The following CCDC43 variants were observed in gnomAD, a reference collection of about 807,000 sequenced individuals.
CCDC43 encodes the protein coiled-coil domain-containing protein 43.
Under a neutral mutation model 33.3 loss-of-function variants are expected in CCDC43, and 20 were observed. That is an observed-to-expected ratio of 0.60 (90% CI 0.42 to 0.87). The LOEUF is 0.87. Among genes scored for constraint, CCDC43 ranks in the 40% least tolerant of loss-of-function variants. The pLI is 0.00. For missense variants in CCDC43, 248 were observed against 269.9 expected (o/e 0.92, Z 0.57); for synonymous variants, 104 against 106.5 (o/e 0.98, Z 0.14).
intron 3 of CCDC43, 120 bp downstream of exon 3, chr17:44,681,883 T>C (rs936609537): frequency 4.0e-6 from 5 of 1,240,120 alleles, no homozygotes; most frequent in Non-Finnish European, 5.7e-6. Flanking sequence ...ATTACTGCCA[T>C]TTTAGAGGGG....
At position 44,682,391 on chromosome 17, in the gene CCDC43, T is replaced by A. The variant is rs1196864229; in HGVS notation, c.293-253A>T. Among the ~76,000 whole-genome samples, 19 of 100,984 alleles carry A rather than the reference T, an allele frequency of 1.9e-4. No individual in the cohort carries two copies. The highest frequency in any genetic ancestry group is 5.6e-4 in the Admixed American group (5 of 8,940). 66.2% of individuals were successfully genotyped at this position (100,984 alleles called of 152,430 possible). ...TTTATATACTGAAGTTCTGCTGCCT[T>A]AAAAAAAAAAAAAAAAAAAAAAGGT... On this transcript the variant is annotated intron_variant, in intron 2 of 4. Transcript: ENST00000315286.
Position 44,689,745 on chromosome 17 carries a change from C to T in CCDC43, c.9G>A (p.Ala3=), listed in dbSNP as rs766825168. 1.2e-5 allele frequency: 18 copies of T among 1,558,394 alleles called. No individual in the cohort carries two copies. Among genetic ancestry groups the T allele is most frequent in the Admixed American group, 1.9e-5 (1 of 51,864 alleles). Reference sequence around the variant, plus strand: ...GGGCTATCGCGGCCACTTCGCTGGGCGCCGCCATCTTGGGGTCAGGGTCCT... The same window carrying T: ...GGGCTATCGCGGCCACTTCGCTGGGTGCCGCCATCTTGGGGTCAGGGTCCT... The part of the protein sequence containing the change: MA[A]PSEVAAIAPG... The change falls in exon 1 of 5, where the codon GCG becomes GCA. Residue 3 remains alanine (A), a synonymous_variant. Coordinates refer to ENST00000315286, the MANE Select transcript of CCDC43 (RefSeq NM_144609.3).
rs1393976479 is a variant in CCDC43, at chr17:44,681,887, A to G, written c.428+116T>C. The G allele has an allele frequency of 3.2e-6, 4 of 1,260,616 alleles. No homozygotes were observed. The East Asian group carries it at 7.0e-5, about 22-fold the overall frequency. 78.1% of individuals were successfully genotyped at this position (1,260,616 alleles called of 1,614,324 possible). On this transcript the variant is annotated intron_variant, in intron 3 of 4. Transcript: ENST00000315286. ...AAGGGCCATAGATTACTGCCATTTTAGAGGGGAAAATTAAGCTATAGAGGG... is the reference window on the plus strand; with the variant it reads ...AAGGGCCATAGATTACTGCCATTTTGGAGGGGAAAATTAAGCTATAGAGGG...
intron 1 of CCDC43, among the ~76,000 whole-genome samples, chr17:44,688,652 C>A (rs1972277133): frequency 6.6e-6 from 1 of 152,174 alleles, no homozygotes; most frequent in Non-Finnish European, 1.5e-5. Context: ...CTAGCTTCTA[C>A]AGCATTTAGT....
chr17:44,683,950 A>G lies in CCDC43; in HGVS notation c.214T>C (p.Ser72Pro), dbSNP rs375171007. 6.2e-7 allele frequency: 1 copy of G among 1,608,852 alleles called. No individual in the cohort carries two copies. Among genetic ancestry groups the G allele is most frequent in the African/African-American group, 1.3e-5 (1 of 74,830 alleles). Residue 72 changes from serine to proline, a missense_variant, in exon 2 of 5, where the codon TCC becomes CCC. Transcript: ENST00000315286. ...ATCTCCTTGCAGATATTAAGGAGGG[A>G]ATCTTCTTCCTAGTTGGAAAAGCAG... The part of the protein sequence containing the change: ...GILSAFLEED[S>P]LLNICKEIVE...
chr17:44,686,398 C>T (rs1972237691), intron 1 of CCDC43, among the ~76,000 whole-genome samples: 1 of 152,146 alleles, frequency 6.6e-6, no homozygotes. Context: ...TCCCCCAACC[C>T]CCACCAGCAA....
rs1386283062 is a variant in CCDC43 at position 44,677,711 on chromosome 17, T to C, written c.*1145A>G. 2.0e-5 allele frequency: 3 copies of C among 152,212 alleles called. No individual in the cohort carries two copies. The highest frequency in any genetic ancestry group is 4.4e-5 in the Non-Finnish European group (3 of 68,040). The allele number at this position is 152,212 out of a possible 1,614,324, so 9.4% of individuals were successfully genotyped here. On this transcript the variant is annotated 3_prime_UTR_variant, in exon 5 of 5. Coordinates refer to ENST00000315286, the MANE Select transcript of CCDC43 (RefSeq NM_144609.3). ...TTTTTCTTTTATAACTCTTTAAAAA[T>C]GTAAAAATCATTTTTAGTTTGCACC... is the stretch of plus-strand genomic sequence containing the variant.
intron 3 of CCDC43, 93 bp downstream of exon 3, chr17:44,681,910 G>A (rs2144689712): frequency 1.3e-6 from 2 of 1,487,860 alleles, no homozygotes. Flanking sequence ...AAGCTATAGA[G>A]GGGGATTAGC....
rs544118871 is a variant in CCDC43 at position 44,677,794 on chromosome 17, T to G, written c.*1062A>C. ...TGGGCAGTAGTTTGCCAACCCCTGG[T>G]ATAAAATATCTACTTTGTCTTGTCA... is the stretch of plus-strand genomic sequence containing the variant. On this transcript the variant is annotated 3_prime_UTR_variant, in exon 5 of 5. Coordinates refer to ENST00000315286, the MANE Select transcript of CCDC43 (RefSeq NM_144609.3). 1 of 152,330 alleles carries G rather than the reference T, an allele frequency of 6.6e-6. No homozygotes were observed. Among genetic ancestry groups the G allele is most frequent in the South Asian group, 2.1e-4 (1 of 4,828 alleles). 9.4% of individuals were successfully genotyped at this position (152,330 alleles called of 1,614,324 possible). A position where few individuals can be genotyped will look rare whatever the true frequency, so the allele number is the denominator to read the frequency against.
At chr17:44,683,771 G>T in intron 2 of CCDC43, 101 bp downstream of exon 2, 2 of 770,266 alleles carry the variant, frequency 2.6e-6, no homozygotes, top group South Asian at 1.6e-5. Context: ...TCGGGAAAAT[G>T]AGCATCCAAG....
chr17:44,687,578 C>T (rs1972258136), intron 1 of CCDC43: 1 of 151,108 alleles, frequency 6.6e-6, no homozygotes, highest in Admixed American at 6.6e-5. Flanking sequence ...GAGTTATGAT[C>T]ACATTACTAT....
At chr17:44,682,190 C>T (rs1972173384) in intron 2 of CCDC43, 52 bp from the exon 3 acceptor site, 15 of 1,608,282 alleles carry the variant, frequency 9.3e-6, no homozygotes, top group Non-Finnish European at 9.4e-6. Flanking sequence ...AACAAGCTCA[C>T]TGAACCACTA....
chr17:44,683,982 TA>T, intron 1 of CCDC43, 23 bp from the exon 2 acceptor site: 3 of 1,513,754 alleles, frequency 2.0e-6, no homozygotes, highest in Non-Finnish European at 2.8e-6. Flanking sequence ...GCAGACCAAT[TA>T]ATTTCCTGAG....
At chr17:44,686,322 A>G (rs1414131909) in intron 1 of CCDC43, among the ~76,000 whole-genome samples, 1 of 152,222 alleles carries the variant, frequency 6.6e-6, no homozygotes, top group Non-Finnish European at 1.5e-5. Context: ...TCTACCTTGC[A>G]TCCTTTTAGC....
chr17:44,686,502 G>T (rs967607296), intron 1 of CCDC43, among the ~76,000 whole-genome samples: 4 of 152,186 alleles, frequency 2.6e-5, no homozygotes, highest in African/African-American at 7.2e-5. Flanking sequence ...GCAGGAAAAG[G>T]AGCAGCAGAG....
chr17:44,680,860 C>T (rs987662626), intron 3 of CCDC43, among the ~76,000 whole-genome samples: 1 of 152,088 alleles, frequency 6.6e-6, no homozygotes, highest in Non-Finnish European at 1.5e-5. Context: ...TGAAAAGAAA[C>T]TTAAGTTGGT....
At chr17:44,683,180 G>C (rs983212991) in intron 2 of CCDC43, among the ~76,000 whole-genome samples, 13 of 152,066 alleles carry the variant, frequency 8.5e-5, no homozygotes, top group Admixed American at 2.0e-4. Context: ...CATTTTAAAG[G>C]GTAAAGTGTT....
chr17:44,681,894 A>G, intron 3 of CCDC43, 109 bp downstream of exon 3: 1 of 1,351,246 alleles, frequency 7.4e-7, no homozygotes, highest in East Asian at 2.3e-5. Context: ...TTTAGAGGGG[A>G]AAATTAAGCT....
At position 44,682,155 on chromosome 17, in the gene CCDC43, G is replaced by A. The variant is rs1211543380; in HGVS notation, c.293-17C>T. 6.2e-7 allele frequency: 1 copy of A among 1,613,698 alleles called. No homozygotes were observed. The highest frequency in any genetic ancestry group is 8.5e-7 in the Non-Finnish European group (1 of 1,179,842). The stretch of plus-strand genomic sequence containing the variant: ...GTACTTCATCTGGGAGGTGGTGGAA[G>A]GAAGAACAAGGTTGTATGAGAGAGA... On this transcript the variant is annotated splice_polypyrimidine_tract_variant and intron_variant, in intron 2 of 4. Coordinates refer to ENST00000315286, the MANE Select transcript of CCDC43 (RefSeq NM_144609.3).
Sources: gnomAD v4.1 joint callset for allele counts (sites outside exome capture counted in the v4.1 genomes callset) on GRCh38, gnomAD v4.1.1 for gene constraint, MANE v1.5 for transcripts, NCBI Gene and HGNC (gene_info 2026-07-23, HGNC 2026-07-21) for gene names.